The following THNSL1 variants were observed in gnomAD, a reference collection of about 807,000 sequenced individuals.
THNSL1 encodes the protein threonine synthase-like 1.
THNSL1 carries 48 observed loss-of-function variants against 50.4 expected under a neutral mutation model. The observed-to-expected ratio is 0.95, with a 90% CI of 0.76 to 1.21. The LOEUF (loss-of-function observed/expected upper bound fraction) is 1.21. Among genes scored for constraint, THNSL1 ranks in the 50% most tolerant of loss-of-function variants. THNSL1 has a pLI of 0.00. For missense variants in THNSL1, 896 were observed against 871.7 expected, an observed-to-expected ratio of 1.03 and a Z score of -0.35; for synonymous variants, 309 against 306.1, an observed-to-expected ratio of 1.01 and a Z score of -0.10.
chr10:24,972,797 G>A, the THNSL1 span, among the ~76,000 whole-genome samples: 1 of 152,172 alleles, frequency 6.6e-6, no homozygotes, highest in African/African-American at 2.4e-5. Context: ...TGACAATTGT[G>A]AGAGGAAAGT....
At chr10:25,003,927 T>G in the THNSL1 span, among the ~76,000 whole-genome samples, 12 of 149,608 alleles carry the variant, frequency 8.0e-5, no homozygotes, top group African/African-American at 3.1e-4. Context: ...TTTAGCAGTA[T>G]TTTGGTTTCA....
chr10:25,012,685 A>C (rs987736855), upstream of THNSL1, among the ~76,000 whole-genome samples: 1 of 152,160 alleles, frequency 6.6e-6, no homozygotes, highest in Non-Finnish European at 1.5e-5. Flanking sequence ...CTGGACCCCC[A>C]TTGTATCTGG....
the THNSL1 span, chr10:24,995,946 T>G: frequency 8.5e-7 from 1 of 1,179,750 alleles, no homozygotes; most frequent in Non-Finnish European, 1.2e-6. Context: ...TATCCAGATA[T>G]TTCACCACTT....
the THNSL1 span, chr10:24,982,848 A>C: frequency 1.3e-5 from 2 of 152,226 alleles, no homozygotes; most frequent in East Asian, 3.8e-4. Flanking sequence ...TTTAGTAGAC[A>C]TTTACAGAAA....
At chr10:24,984,850 A>C in the THNSL1 span, 1 of 1,613,838 alleles carries the variant, frequency 6.2e-7, no homozygotes, top group South Asian at 1.1e-5. Flanking sequence ...AGAATCTATA[A>C]AGACCGAGAG....
chr10:24,995,655 G>T, the THNSL1 span: 115 of 1,608,820 alleles, frequency 7.1e-5, no homozygotes, highest in Non-Finnish European at 9.4e-5. Context: ...CCTTTTTATT[G>T]ATGTACTTTG....
At chr10:24,996,545 C>T in the THNSL1 span, among the ~76,000 whole-genome samples, 1 of 152,050 alleles carries the variant, frequency 6.6e-6, no homozygotes, top group Non-Finnish European at 1.5e-5. Flanking sequence ...TCAGTTTGAT[C>T]ATTCCCATTG....
the THNSL1 span, chr10:24,984,982 T>C: frequency 9.0e-7 from 1 of 1,109,542 alleles, no homozygotes; most frequent in Non-Finnish European, 1.3e-6. Flanking sequence ...TAATTGGTAA[T>C]GAAAAATGTC....
chr10:24,985,940 G>A, the THNSL1 span, among the ~76,000 whole-genome samples: 2,634 of 152,102 alleles, frequency 0.017, 82 homozygotes, highest in African/African-American at 0.061. Context: ...TGGTAGCATG[G>A]GCCTGTAGTC....
chr10:24,959,048 A>C, the THNSL1 span, among the ~76,000 whole-genome samples: 206 of 152,288 alleles, frequency 1.4e-3, 3 homozygotes, highest in Admixed American at 0.013. Context: ...TGACCCTAAA[A>C]CAATACTCTG....
At chr10:24,953,217 C>T in the THNSL1 span, 2 of 152,706 alleles carry the variant, frequency 1.3e-5, no homozygotes. Flanking sequence ...CCTCCACCTC[C>T]CCTCACCTCC....
rs200090168 is a variant in THNSL1 at position 25,024,953 on chromosome 10, A to G, written c.1730A>G (p.His577Arg). ...TCTTCAAACCTAGAACGACATTTAC[A>G]CTTGATGGCTAATAAAGATGGACAG... ...LKSSNLERHLHLMANKDGQLM... is the reference protein window; with the variant it reads ...LKSSNLERHLRLMANKDGQLM... Residue 577 changes from histidine (H) to arginine (R), a missense_variant, in exon 3 of 3, where the codon CAC (histidine) becomes CGC (arginine). By Grantham distance (29) the His-to-Arg change is conservative (BLOSUM62 0). Transcript: ENST00000376356. The G allele has an allele frequency of 2.5e-6, 4 of 1,614,156 alleles. No homozygotes were observed. Among genetic ancestry groups the G allele is most frequent in the Non-Finnish European group, 3.4e-6 (4 of 1,180,046 alleles).
intron 1 of THNSL1, among the ~76,000 whole-genome samples, chr10:25,017,610 G>GT (rs924960861): frequency 4.1e-5 from 6 of 145,210 alleles, no homozygotes; most frequent in African/African-American, 1.5e-4. Flanking sequence ...ATAAGAATAC[G>GT]TTAAGTTTTT....
At chr10:24,960,837 G>T in the THNSL1 span, among the ~76,000 whole-genome samples, 1 of 151,908 alleles carries the variant, frequency 6.6e-6, no homozygotes, top group African/African-American at 2.4e-5. Flanking sequence ...CCATCCTCCC[G>T]CCTTGGCCTC....
Position 25,023,410 on chromosome 10 carries a change from C to T in THNSL1, c.187C>T (p.Pro63Ser), listed in dbSNP as rs750464254. 9 of 1,613,984 alleles carry T rather than the reference C, an allele frequency of 5.6e-6. No individual in the cohort carries two copies. In the African/African-American group the frequency reaches 8.0e-5, roughly 14 times the overall value. The change falls in exon 3 of 3, where the codon CCT becomes TCT. Residue 63 changes from proline (P) to serine (S), a missense_variant. Pro to Ser is a moderately conservative substitution (Grantham distance 74). Transcript: ENST00000376356. ...VGDKNIILMGPPGAGKTTVGR... is the reference protein window; with the variant it reads ...VGDKNIILMGSPGAGKTTVGR... ...AGACAAAAATATTATCCTGATGGGACCTCCTGGTGCTGGGAAAACAACAGT... is the reference window on the plus strand; with the variant it reads ...AGACAAAAATATTATCCTGATGGGATCTCCTGGTGCTGGGAAAACAACAGT...
chr10:24,960,361 T>G, the THNSL1 span, among the ~76,000 whole-genome samples: 4 of 152,048 alleles, frequency 2.6e-5, no homozygotes, highest in African/African-American at 9.7e-5. Context: ...ACATTAAGAG[T>G]CCTATGGGTT....
intron 1 of THNSL1, among the ~76,000 whole-genome samples, chr10:25,021,525 G>C (rs1424329094): frequency 1.3e-5 from 2 of 152,038 alleles, no homozygotes; most frequent in Admixed American, 6.6e-5. Flanking sequence ...AATTCCTTCA[G>C]TACTGTTTAG....
Position 25,024,136 on chromosome 10 carries a change from A to G in THNSL1, c.913A>G (p.Ile305Val), listed in dbSNP as rs762734713. 6.2e-7 allele frequency: 1 copy of G among 1,614,192 alleles called. No individual in the cohort carries two copies. Among genetic ancestry groups the G allele is most frequent in the Non-Finnish European group, 8.5e-7 (1 of 1,180,022 alleles). ...GGAAAGATGTATCCATCCTGCAGAC[A>G]TACCTGCTGCCAGGTTGGGAGAAAT... Reference protein sequence around the residue: ...LLERCIHPADIPAARLGEMIE... With the variant: ...LLERCIHPADVPAARLGEMIE... Residue 305 changes from isoleucine (I) to valine (V), a missense_variant, in exon 3 of 3, where the codon ATA becomes GTA. By Grantham distance (29) the Ile-to-Val change is conservative. Coordinates refer to ENST00000376356, the MANE Select transcript of THNSL1 (RefSeq NM_024838.5).
intron 2 of THNSL1, 53 bp from the exon 3 acceptor site, chr10:25,023,123 T>A: frequency 8.5e-7 from 1 of 1,170,782 alleles, no homozygotes; most frequent in South Asian, 1.6e-5. Flanking sequence ...TCTACTGTAA[T>A]TAGTAACCAA....
Sources: allele counts gnomAD v4.1 joint callset (sites outside exome capture counted in the v4.1 genomes callset), GRCh38; gene constraint gnomAD v4.1.1; transcripts MANE v1.5; gene names NCBI Gene and HGNC (gene_info 2026-07-23, HGNC 2026-07-21).